HYDIN: variants seen among roughly 807,000 people sequenced by gnomAD.
HYDIN encodes the protein HYDIN axonemal central pair apparatus protein.
A neutral mutation model predicts 403.9 loss-of-function variants in HYDIN; 132 were observed. That is an observed-to-expected ratio of 0.33 (90% confidence interval 0.28 to 0.38). HYDIN has a LOEUF of 0.38. Among genes scored for constraint, HYDIN ranks in the 10% least tolerant of loss-of-function variants. The pLI is 1.00. For missense variants in HYDIN, 2,827 were observed against 5,009.5 expected (o/e 0.56, Z 13.15); for synonymous variants, 1,202 against 1,891.7 (o/e 0.64, Z 9.46).
In HYDIN at chr16:70,939,285, G is replaced by A. The variant is rs576974693; in HGVS notation, c.6854-530C>T. On this transcript the variant is annotated intron_variant, in intron 43 of 85. Coordinates refer to ENST00000393567, the MANE Select transcript of HYDIN (RefSeq NM_001270974.2). Reference sequence around the variant, plus strand: ...AACGTGGCCCTGCTGAGAAAAGTCCGGAGCAATGACCAGGCATCCCTCAGC... The same window carrying A: ...AACGTGGCCCTGCTGAGAAAAGTCCAGAGCAATGACCAGGCATCCCTCAGC... Among the ~76,000 whole-genome samples, 664 of 152,342 alleles carry A rather than the reference G, an allele frequency of 4.4e-3. 1 individual carries two copies. The highest frequency in any genetic ancestry group is 0.015 in the African/African-American group (619 of 41,582).
intron 21 of HYDIN, among the ~76,000 whole-genome samples, chr16:71,021,418 T>C (rs1275892112): frequency 3.3e-5 from 5 of 152,070 alleles, no homozygotes; most frequent in African/African-American, 1.2e-4. Context: ...GGTTTCACTA[T>C]GTTGGCCACG....
At chr16:71,190,969 A>G (rs998969091) in intron 1 of HYDIN, among the ~76,000 whole-genome samples, 1 of 152,202 alleles carries the variant, frequency 6.6e-6, no homozygotes, top group African/African-American at 2.4e-5. Flanking sequence ...AGCATGAAAG[A>G]GAGAGGAGCA....
At chr16:71,216,174 A>G (rs963332654) in intron 1 of HYDIN, among the ~76,000 whole-genome samples, 5 of 152,246 alleles carry the variant, frequency 3.3e-5, no homozygotes, top group African/African-American at 1.2e-4. Context: ...AAGACTGTTC[A>G]TAGCAGTGTT....
chr16:71,082,266 T>G (rs968239180), intron 12 of HYDIN, among the ~76,000 whole-genome samples: 4 of 152,186 alleles, frequency 2.6e-5, no homozygotes, highest in African/African-American at 9.7e-5. Flanking sequence ...ATTTTTACCC[T>G]TTATGAATAG....
intron 10 of HYDIN, among the ~76,000 whole-genome samples, chr16:71,103,035 G>C (rs1012192430): frequency 2.7e-5 from 4 of 147,820 alleles, no homozygotes; most frequent in African/African-American, 1.0e-4. Flanking sequence ...TTGATGAGTT[G>C]TTATATAGGT....
intron 1 of HYDIN, among the ~76,000 whole-genome samples, chr16:71,211,761 C>T (rs1416826321): frequency 1.3e-5 from 2 of 150,522 alleles, no homozygotes; most frequent in Non-Finnish European, 3.0e-5. Flanking sequence ...AAGAAATAAA[C>T]AAAAACACAA....
At position 70,807,661 on chromosome 16, in the gene HYDIN, C is replaced by T. The variant is rs1478781944; in HGVS notation, c.15285G>A (p.Lys5095=). 6.2e-7 allele frequency: 1 copy of T among 1,614,156 alleles called. No homozygotes were observed. Among genetic ancestry groups the T allele is most frequent in the African/African-American group, 1.3e-5 (1 of 75,034 alleles). ...CACCAGGAGGGCAGCTCACAGTCAG[C>T]TTGGTGGTGATGGGGGTTTTGCTGC... ...PSGSKTPITT[K]LTVSCPPGEG... is the part of the protein sequence containing the mutation. Residue 5095 remains lysine, a synonymous_variant, in exon 86 of 86, where the codon AAG becomes AAA. Coordinates refer to ENST00000393567, the MANE Select transcript of HYDIN (RefSeq NM_001270974.2).
At chr16:71,203,859 G>C (rs750217943) in intron 1 of HYDIN, 1 of 453,900 alleles carries the variant, frequency 2.2e-6, no homozygotes, top group African/African-American at 2.0e-5. Context: ...GAGCTCAGGA[G>C]TTTAAGACCA....
chr16:70,961,723 A>G (rs1475396657), intron 38 of HYDIN, among the ~76,000 whole-genome samples: 1 of 151,862 alleles, frequency 6.6e-6, no homozygotes, highest in Non-Finnish European at 1.5e-5. Context: ...TCTAGTTGAA[A>G]CACAAATTAC....
chr16:70,900,914 C>CTGTGTGTGTGTG (rs58190033), intron 53 of HYDIN, 90 bp downstream of exon 53: 1 of 363,524 alleles, frequency 2.8e-6, no homozygotes, highest in Non-Finnish European at 4.8e-6. Flanking sequence ...AGGGAGACCT[C>CTGTGTGTGTGTG]TGTGTGTGTG....
At chr16:70,828,606 C>CATAT in intron 81 of HYDIN, among the ~76,000 whole-genome samples, 177 bp from the exon 82 acceptor site, 1 of 150,478 alleles carries the variant, frequency 6.6e-6, no homozygotes, top group South Asian at 2.1e-4. Flanking sequence ...CATATGTATC[C>CATAT]GAGCCAGGAA....
At chr16:70,867,028 C>CAAAAAAAAAAAAAAA (rs34578135) in intron 66 of HYDIN, among the ~76,000 whole-genome samples, 1 of 92,970 alleles carries the variant, frequency 1.1e-5, no homozygotes. Flanking sequence ...CTGTCCCCCT[C>CAAAAAAAAAAAAAAA]AAAAAAAAAA....
At chr16:71,222,805 C>T (rs368133208) in intron 1 of HYDIN, among the ~76,000 whole-genome samples, 14 of 152,122 alleles carry the variant, frequency 9.2e-5, no homozygotes, top group South Asian at 4.2e-4. Context: ...GACCTCTACG[C>T]GGAAAACTAA....
At chr16:71,086,767 A>G (rs1348408618) in intron 12 of HYDIN, among the ~76,000 whole-genome samples, 1 of 152,152 alleles carries the variant, frequency 6.6e-6, no homozygotes, top group Non-Finnish European at 1.5e-5. Context: ...AAAGGCCCTC[A>G]TGGGACTAGA....
chr16:70,982,473 C>T (rs58948298), intron 28 of HYDIN, among the ~76,000 whole-genome samples: 55 of 148,566 alleles, frequency 3.7e-4, no homozygotes, highest in African/African-American at 1.3e-3. Flanking sequence ...GATATCCAAA[C>T]TGATCAAATG....
intron 47 of HYDIN, among the ~76,000 whole-genome samples, chr16:70,911,293 G>A (rs1216576149): frequency 2.7e-5 from 4 of 147,440 alleles, no homozygotes; most frequent in African/African-American, 2.5e-5. Flanking sequence ...TTTGTATAAG[G>A]TGAGAGATGA....
chr16:71,057,648 T>C (rs1438306689), intron 18 of HYDIN, among the ~76,000 whole-genome samples: 1 of 151,910 alleles, frequency 6.6e-6, no homozygotes, highest in Non-Finnish European at 1.5e-5. Flanking sequence ...TTTCAATTAT[T>C]GAATTAGAAA....
chr16:71,085,850 T>C (rs1238137273), intron 12 of HYDIN, among the ~76,000 whole-genome samples: 1 of 152,210 alleles, frequency 6.6e-6, no homozygotes. Context: ...TCTTTAAATC[T>C]AAAGTGTGGT....
intron 1 of HYDIN, among the ~76,000 whole-genome samples, chr16:71,206,783 C>G (rs539892390): frequency 6.6e-6 from 1 of 152,260 alleles, no homozygotes; most frequent in East Asian, 1.9e-4. Context: ...AAAGCAATCA[C>G]AAGTATTAAC....
Sources: gnomAD v4.1 joint callset for allele counts (sites outside exome capture counted in the v4.1 genomes callset) on GRCh38, gnomAD v4.1.1 for gene constraint, MANE v1.5 for transcripts, NCBI Gene and HGNC (gene_info 2026-07-23, HGNC 2026-07-21) for gene names.